The following C12orf42 variants were observed in gnomAD, a reference collection of about 807,000 sequenced individuals.
C12orf42 encodes uncharacterized protein C12orf42.
A neutral mutation model predicts 21.6 loss-of-function variants in C12orf42; 25 were observed. That is an observed-to-expected ratio of 1.16 (90% CI 0.84 to 1.62). C12orf42 has a LOEUF of 1.62. C12orf42 is among the 40% of genes most tolerant of loss of function. C12orf42 has a pLI of 0.00. For synonymous variants in C12orf42, 174 were observed against 175.0 expected (o/e 0.99, Z 0.05); for missense variants, 483 against 459.3 (o/e 1.05, Z -0.47).
At chr12:103,146,445 ACTCCAGCCTGG>A in the C12orf42 span, among the ~76,000 whole-genome samples, 1 of 148,940 alleles carries the variant, frequency 6.7e-6, no homozygotes, top group East Asian at 1.9e-4. Context: ...ATGCCACTGC[ACTCCAGCCTGG>A]CCAACAGAGT....
At chr12:103,212,022 C>A in the C12orf42 span, among the ~76,000 whole-genome samples, 3 of 152,060 alleles carry the variant, frequency 2.0e-5, no homozygotes, top group Admixed American at 1.3e-4. Context: ...TCTTCTAGAA[C>A]TTTAACAGTT....
At chr12:103,171,961 G>A in the C12orf42 span, among the ~76,000 whole-genome samples, 4 of 152,080 alleles carry the variant, frequency 2.6e-5, no homozygotes, top group African/African-American at 9.7e-5. Context: ...TCCCTATGTT[G>A]AGCACTGTAG....
chr12:103,438,581 A>G (rs377266717), intron 2 of C12orf42, among the ~76,000 whole-genome samples: 4 of 152,048 alleles, frequency 2.6e-5, no homozygotes, highest in East Asian at 3.9e-4. Context: ...AAATCAATGT[A>G]CAAAAATCAC....
chr12:103,507,140 TATATAA>T, the C12orf42 span, among the ~76,000 whole-genome samples: 2 of 19,492 alleles, frequency 1.0e-4, no homozygotes, highest in African/African-American at 9.7e-4. Context: ...ATATATTATA[TATATAA>T]TATAAATATA....
chr12:103,393,813 C>T (rs1466679618), intron 3 of C12orf42, among the ~76,000 whole-genome samples: 1 of 152,176 alleles, frequency 6.6e-6, no homozygotes, highest in Non-Finnish European at 1.5e-5. Context: ...AAATCAAAAC[C>T]TATGGCATTT....
the C12orf42 span, among the ~76,000 whole-genome samples, chr12:103,169,159 TATAA>T: frequency 0.056 from 8,162 of 145,416 alleles, 280 homozygotes; most frequent in African/African-American, 0.095. Flanking sequence ...TAAAGTATAA[TATAA>T]ATAAATAAAT....
the C12orf42 span, among the ~76,000 whole-genome samples, chr12:103,129,003 C>T: frequency 6.6e-6 from 1 of 152,076 alleles, no homozygotes; most frequent in Non-Finnish European, 1.5e-5. Flanking sequence ...GAGGCAGCAC[C>T]CAGCCATATC....
At chr12:103,523,917 C>A in the C12orf42 span, among the ~76,000 whole-genome samples, 1 of 152,044 alleles carries the variant, frequency 6.6e-6, no homozygotes, top group African/African-American at 2.4e-5. Context: ...GGCCTGTGAG[C>A]CCTTCCTGTC....
downstream of C12orf42, among the ~76,000 whole-genome samples, chr12:103,301,488 G>A (rs997887829): frequency 6.6e-6 from 1 of 152,138 alleles, no homozygotes; most frequent in Non-Finnish European, 1.5e-5. Context: ...GGTTCCCTAA[G>A]CTGCTCCAGT....
chr12:103,480,287 C>T (rs1954374137), intron 1 of C12orf42, among the ~76,000 whole-genome samples: 1 of 151,550 alleles, frequency 6.6e-6, no homozygotes. Flanking sequence ...TCCATTATGT[C>T]CCTGTTTTAA....
chr12:103,236,584 TGGAG>T (rs2033473924), downstream of C12orf42, among the ~76,000 whole-genome samples: 1 of 152,210 alleles, frequency 6.6e-6, no homozygotes, highest in African/African-American at 2.4e-5. Context: ...GCAAGACACA[TGGAG>T]GGTCTTGAAT....
chr12:103,051,338 A>G, the C12orf42 span, among the ~76,000 whole-genome samples: 1,766 of 152,258 alleles, frequency 0.012, 38 homozygotes, highest in African/African-American at 0.04. Flanking sequence ...AGGACTTAGA[A>G]GGAGAGTATA....
the C12orf42 span, among the ~76,000 whole-genome samples, chr12:103,109,438 G>C: frequency 6.6e-6 from 1 of 152,098 alleles, no homozygotes; most frequent in Non-Finnish European, 1.5e-5. Context: ...TGGAGAGTGA[G>C]AGGCGGTGGT....
At chr12:103,444,712 C>T (rs1951470353) in intron 2 of C12orf42, among the ~76,000 whole-genome samples, 1 of 152,046 alleles carries the variant, frequency 6.6e-6, no homozygotes, top group Non-Finnish European at 1.5e-5. Flanking sequence ...TGTACATATA[C>T]TTGCACAAAT....
the C12orf42 span, among the ~76,000 whole-genome samples, chr12:103,529,256 G>T: frequency 6.6e-6 from 1 of 152,118 alleles, no homozygotes; most frequent in Non-Finnish European, 1.5e-5. Context: ...TCTCTTTACC[G>T]TTATTAATAG....
At chr12:103,355,823 T>C (rs1416202997) in intron 4 of C12orf42, among the ~76,000 whole-genome samples, 1 of 152,112 alleles carries the variant, frequency 6.6e-6, no homozygotes, top group South Asian at 2.1e-4. Flanking sequence ...TCCCTTAGTA[T>C]TGGATGCTAA....
chr12:103,324,018 C>T (rs1374841737), intron 4 of C12orf42, among the ~76,000 whole-genome samples: 1 of 152,200 alleles, frequency 6.6e-6, no homozygotes, highest in African/African-American at 2.4e-5. Context: ...GATTTTCCCA[C>T]ATCCTCTTTA....
At chr12:103,293,213 T>C (rs546361787) in intron 4 of C12orf42, among the ~76,000 whole-genome samples, 1 of 152,068 alleles carries the variant, frequency 6.6e-6, no homozygotes, top group Non-Finnish European at 1.5e-5. Flanking sequence ...CTCTCCTCCA[T>C]GAATCAACAT....
intron 4 of C12orf42, among the ~76,000 whole-genome samples, chr12:103,293,101 C>G (rs1412305237): frequency 6.7e-6 from 1 of 150,078 alleles, no homozygotes; most frequent in African/African-American, 2.4e-5. Flanking sequence ...TAAAGAGATG[C>G]CTTTTTTGAC....
Sources: allele counts gnomAD v4.1 joint callset (sites outside exome capture counted in the v4.1 genomes callset), GRCh38; gene constraint gnomAD v4.1.1; transcripts MANE v1.5; gene names NCBI Gene and HGNC (gene_info 2026-07-23, HGNC 2026-07-21).